Variants in SAMTOR observed in about 807,000 individuals in gnomAD.
SAMTOR encodes the protein UPF0532 protein C7orf60.
the SAMTOR span, among the ~76,000 whole-genome samples, chr7:112,846,401 A>G: frequency 8.5e-5 from 13 of 152,112 alleles, no homozygotes. Context: ...ATCAGAAAAA[A>G]TAACTATTGG....
chr7:112,835,826 T>A, the SAMTOR span, among the ~76,000 whole-genome samples: 5 of 152,316 alleles, frequency 3.3e-5, no homozygotes, highest in Admixed American at 6.5e-5. Flanking sequence ...CATTCTTTTT[T>A]ATGGCTGCAT....
At chr7:112,930,239 T>C in the SAMTOR span, among the ~76,000 whole-genome samples, 5 of 152,218 alleles carry the variant, frequency 3.3e-5, no homozygotes, top group Admixed American at 2.0e-4. Flanking sequence ...ATGTTCAGAA[T>C]TCAGATTGTC....
chr7:112,920,195 C>T, the SAMTOR span, among the ~76,000 whole-genome samples: 1 of 152,286 alleles, frequency 6.6e-6, no homozygotes, highest in East Asian at 1.9e-4. Context: ...ATGCAAAAAT[C>T]CTCAATAAAA....
At chr7:112,868,182 A>G in the SAMTOR span, among the ~76,000 whole-genome samples, 35 of 152,346 alleles carry the variant, frequency 2.3e-4, no homozygotes, top group Middle Eastern at 3.4e-3. Context: ...GCAAACTACT[A>G]TGTCTACTAT....
At chr7:112,859,525 C>T in the SAMTOR span, among the ~76,000 whole-genome samples, 1 of 152,176 alleles carries the variant, frequency 6.6e-6, no homozygotes, top group African/African-American at 2.4e-5. Context: ...TCAGGCAGGT[C>T]CCTCAGGAGG....
chr7:112,859,014 C>A, the SAMTOR span, among the ~76,000 whole-genome samples: 1 of 152,252 alleles, frequency 6.6e-6, no homozygotes, highest in South Asian at 2.1e-4. Context: ...GTAAAGCAGA[C>A]TACTCTCTAC....
chr7:112,926,382 A>G, the SAMTOR span, among the ~76,000 whole-genome samples: 3 of 152,188 alleles, frequency 2.0e-5, no homozygotes, highest in Non-Finnish European at 2.9e-5. Context: ...CTACTACCCT[A>G]CAACTTTTTA....
At chr7:112,899,082 CCAAA>C in the SAMTOR span, among the ~76,000 whole-genome samples, 27 of 152,182 alleles carry the variant, frequency 1.8e-4, no homozygotes, top group Non-Finnish European at 1.5e-4. Context: ...TGTGACCTCA[CCAAA>C]CAGACTAAAT....
the SAMTOR span, among the ~76,000 whole-genome samples, chr7:112,886,350 A>G: frequency 6.6e-6 from 1 of 152,220 alleles, no homozygotes; most frequent in African/African-American, 2.4e-5. Flanking sequence ...ATATTGCTAG[A>G]GATAATGGAA....
the SAMTOR span, chr7:112,935,142 G>A: frequency 5.3e-6 from 2 of 378,880 alleles, no homozygotes; most frequent in Non-Finnish European, 1.0e-5. Context: ...TTCTATATCA[G>A]AATAAGTATA....
At chr7:112,875,800 A>C in the SAMTOR span, among the ~76,000 whole-genome samples, 7 of 152,164 alleles carry the variant, frequency 4.6e-5, no homozygotes, top group African/African-American at 1.7e-4. Context: ...TGACTTTCTG[A>C]ACTGTTACGT....
At chr7:112,885,887 T>C in the SAMTOR span, among the ~76,000 whole-genome samples, 2 of 152,170 alleles carry the variant, frequency 1.3e-5, no homozygotes, top group Non-Finnish European at 2.9e-5. Context: ...TAGTCCATTA[T>C]CATACTACTA....
chr7:112,896,973 A>G, the SAMTOR span, among the ~76,000 whole-genome samples: 1 of 152,196 alleles, frequency 6.6e-6, no homozygotes, highest in African/African-American at 2.4e-5. Flanking sequence ...CATGAAGTTT[A>G]AAGTACTGGG....
chr7:112,893,228 C>T, the SAMTOR span, among the ~76,000 whole-genome samples: 1 of 152,320 alleles, frequency 6.6e-6, no homozygotes, highest in African/African-American at 2.4e-5. Flanking sequence ...CAAGAAACTC[C>T]TAAAAGGCGC....
At chr7:112,890,834 G>A in the SAMTOR span, among the ~76,000 whole-genome samples, 12 of 151,846 alleles carry the variant, frequency 7.9e-5, no homozygotes, top group African/African-American at 2.9e-4. Context: ...AGGACCACAG[G>A]CACATGCCAC....
At chr7:112,905,564 CAG>C in the SAMTOR span, among the ~76,000 whole-genome samples, 6 of 152,052 alleles carry the variant, frequency 3.9e-5, no homozygotes, top group Non-Finnish European at 5.9e-5. Flanking sequence ...TTTTAACAAA[CAG>C]AATTAAATAT....
the SAMTOR span, among the ~76,000 whole-genome samples, chr7:112,903,389 CA>C: frequency 6.7e-6 from 1 of 148,972 alleles, no homozygotes; most frequent in Non-Finnish European, 1.5e-5. Context: ...GATTAAAGAC[CA>C]AAAAGGCTTC....
At chr7:112,885,257 T>C in the SAMTOR span, among the ~76,000 whole-genome samples, 1 of 151,588 alleles carries the variant, frequency 6.6e-6, no homozygotes, top group Non-Finnish European at 1.5e-5. Flanking sequence ...AGATCTCTGA[T>C]GTGCCCTGGA....
chr7:112,919,080 G>C, the SAMTOR span, among the ~76,000 whole-genome samples: 1 of 152,172 alleles, frequency 6.6e-6, no homozygotes, highest in Non-Finnish European at 1.5e-5. Context: ...ACTGAACTCA[G>C]CTCTGCACCA....
Sources: gnomAD v4.1 joint callset for allele counts (sites outside exome capture counted in the v4.1 genomes callset) on GRCh38, gnomAD v4.1.1 for gene constraint, MANE v1.5 for transcripts, NCBI Gene and HGNC (gene_info 2026-07-23, HGNC 2026-07-21) for gene names.